Variants in FAR2 observed in about 807,000 individuals in gnomAD.
FAR2 encodes the protein epididymis secretory protein Li 81.
Under a neutral mutation model 56.0 loss-of-function variants are expected in FAR2, and 19 were observed. The observed-to-expected ratio is 0.34, with a 90% confidence interval of 0.24 to 0.50. FAR2 has a LOEUF of 0.50. Ranked by LOEUF, FAR2 falls within the 20% of genes least tolerant of loss-of-function variation. The probability of loss-of-function intolerance (pLI) is 0.98; values close to 1 mark genes in which losing one functional copy is unlikely to be tolerated. For synonymous variants in FAR2, 219 were observed against 218.8 expected (o/e 1.00, Z -0.01); for missense variants, 508 against 642.2 (o/e 0.79, Z 2.26).
In FAR2 at chr12:29,270,482, G is replaced by A; in HGVS notation, c.33G>A (p.Lys11=). The change falls in exon 2 of 12, where the codon AAG becomes AAA. Residue 11 remains lysine (K), a synonymous_variant. Transcript: ENST00000536681. The stretch of plus-strand genomic sequence containing the variant: ...CAATTGCAGCTTTCTATGGCGGCAA[G>A]TCCATTCTCATCACGGGGGCCACAG... MSTIAAFYGG[K]SILITGATGF... 2 of 1,607,388 alleles carry A rather than the reference G, an allele frequency of 1.2e-6. No individual in the cohort carries two copies. The highest frequency in any genetic ancestry group is 1.7e-6 in the Non-Finnish European group (2 of 1,175,086).
chr12:29,153,143 A>AT (rs548100563), intron 1 of FAR2, among the ~76,000 whole-genome samples: 1 of 152,144 alleles, frequency 6.6e-6, no homozygotes, highest in Non-Finnish European at 1.5e-5. Flanking sequence ...TGTGTTCCCT[A>AT]TTTTTTTGGA....
chr12:29,179,980 T>C (rs111321517), intron 1 of FAR2, among the ~76,000 whole-genome samples: 7,730 of 152,312 alleles, frequency 0.051, 270 homozygotes, highest in Non-Finnish European at 0.079. Flanking sequence ...GTATGGATAT[T>C]ACAGACTTGG....
chr12:29,256,808 C>T (rs76965093), intron 1 of FAR2, among the ~76,000 whole-genome samples: 1 of 152,228 alleles, frequency 6.6e-6, no homozygotes, highest in Non-Finnish European at 1.5e-5. Context: ...GGAGGGTGTA[C>T]TGGGTCCCCC....
At chr12:29,272,259 CTGGTA>C (rs755893946) in intron 2 of FAR2, among the ~76,000 whole-genome samples, 9 of 152,200 alleles carry the variant, frequency 5.9e-5, no homozygotes, top group Non-Finnish European at 5.9e-5. Flanking sequence ...CCGTCTCCTT[CTGGTA>C]CTGCAATCAA....
At chr12:29,167,641 G>A (rs1949841627) in intron 1 of FAR2, among the ~76,000 whole-genome samples, 1 of 152,150 alleles carries the variant, frequency 6.6e-6, no homozygotes, top group African/African-American at 2.4e-5. Context: ...TCTTGTGGTT[G>A]AATGTCACCC....
chr12:29,229,615 A>C (rs1406440489), intron 1 of FAR2, among the ~76,000 whole-genome samples: 1 of 152,196 alleles, frequency 6.6e-6, no homozygotes, highest in Admixed American at 6.5e-5. Context: ...TGTCTACCAA[A>C]TGCTGGGCTC....
intron 1 of FAR2, among the ~76,000 whole-genome samples, chr12:29,217,163 A>G (rs1393273179): frequency 6.6e-6 from 1 of 152,224 alleles, no homozygotes; most frequent in African/African-American, 2.4e-5. Context: ...AACTTCAAAA[A>G]ACTACAAATA....
At chr12:29,259,436 G>A (rs908537706) in intron 1 of FAR2, among the ~76,000 whole-genome samples, 1 of 152,192 alleles carries the variant, frequency 6.6e-6, no homozygotes, top group Non-Finnish European at 1.5e-5. Context: ...CTCTCCAGTG[G>A]ACTACGAAGA....
chr12:29,275,811 A>G (rs1948699103), intron 2 of FAR2, among the ~76,000 whole-genome samples: 1 of 152,114 alleles, frequency 6.6e-6, no homozygotes, highest in South Asian at 2.1e-4. Flanking sequence ...GTTTTTTATA[A>G]CACGGCAACA....
At chr12:29,248,727 T>C (rs1197085144) in intron 1 of FAR2, among the ~76,000 whole-genome samples, 5 of 152,204 alleles carry the variant, frequency 3.3e-5, no homozygotes, top group Non-Finnish European at 7.3e-5. Context: ...GACTGGGATC[T>C]ATTTCACCCC....
At chr12:29,256,774 C>G (rs1948325121) in intron 1 of FAR2, among the ~76,000 whole-genome samples, 1 of 152,204 alleles carries the variant, frequency 6.6e-6, no homozygotes. Flanking sequence ...CAATGAAGGG[C>G]TTAGCACCCA....
At chr12:29,224,520 T>C (rs1947735321) in intron 1 of FAR2, among the ~76,000 whole-genome samples, 1 of 152,256 alleles carries the variant, frequency 6.6e-6, no homozygotes, top group South Asian at 2.1e-4. Context: ...ATTTTTGTAC[T>C]TACAGCAGAG....
Position 29,167,846 on chromosome 12 carries a change from T to G in FAR2, c.-39+18439T>G, listed in dbSNP as rs191333384. 1.3e-5 allele frequency among the ~76,000 whole-genome samples: 2 copies of G among 152,342 alleles called. 1 individual carries two copies. The highest frequency in any genetic ancestry group is 1.3e-4 in the Admixed American group (2 of 15,304). On this transcript the variant is annotated intron_variant, in intron 1 of 11. Transcript: ENST00000536681. The stretch of plus-strand genomic sequence containing the variant: ...AATATATGACGGTAAATTGCAGCTT[T>G]GACCAATGACTAGAGAGAGTATCAA...
At chr12:29,296,859 G>C (rs1290229441) in intron 3 of FAR2, among the ~76,000 whole-genome samples, 162 bp from the exon 4 acceptor site, 1 of 152,176 alleles carries the variant, frequency 6.6e-6, no homozygotes, top group East Asian at 1.9e-4. Context: ...AACATTCCGA[G>C]TATCACATAA....
chr12:29,310,896 C>A (rs1284218662), intron 6 of FAR2, 132 bp from the exon 7 acceptor site: 67 of 685,950 alleles, frequency 9.8e-5, no homozygotes, highest in Non-Finnish European at 1.3e-4. Context: ...AGCATAAGAA[C>A]CTGGTAAGCA....
At chr12:29,153,876 C>T (rs2136571067) in intron 1 of FAR2, among the ~76,000 whole-genome samples, 1 of 152,144 alleles carries the variant, frequency 6.6e-6, no homozygotes, top group South Asian at 2.1e-4. Flanking sequence ...TAATCCAAAA[C>T]AGTAGGCTCA....
Position 29,296,972 on chromosome 12 carries a change from A to G in FAR2, c.366-49A>G. ...GGAGTAGGTGCAGTTATAGCAAGGCATGATACTGACTTACTTCATTGTATT... is the reference window on the plus strand; with the variant it reads ...GGAGTAGGTGCAGTTATAGCAAGGCGTGATACTGACTTACTTCATTGTATT... On this transcript the variant is annotated intron_variant, in intron 3 of 11. Coordinates refer to ENST00000536681, the MANE Select transcript of FAR2 (RefSeq NM_001271783.2). 2.0e-6 allele frequency: 3 copies of G among 1,511,170 alleles called. No homozygotes were observed. In the South Asian group the frequency reaches 4.0e-5, roughly 20 times the overall value. The allele number at this position is 1,511,170 out of a possible 1,614,324, so 93.6% of individuals were successfully genotyped here.
intron 4 of FAR2, among the ~76,000 whole-genome samples, chr12:29,298,823 T>C (rs10450679): frequency 0.54 from 82,670 of 151,958 alleles, 22,969 homozygotes; most frequent in East Asian, 0.65. Flanking sequence ...TGATTCCAGA[T>C]TGTTTCCTGG....
chr12:29,174,216 G>C (rs193220438), intron 1 of FAR2, among the ~76,000 whole-genome samples: 336 of 152,142 alleles, frequency 2.2e-3, no homozygotes, highest in African/African-American at 7.8e-3. Context: ...CTTTTGTTAG[G>C]CCTGCTAGTC....
Sources: allele counts gnomAD v4.1 joint callset (sites outside exome capture counted in the v4.1 genomes callset), GRCh38; gene constraint gnomAD v4.1.1; transcripts MANE v1.5; gene names NCBI Gene and HGNC (gene_info 2026-07-23, HGNC 2026-07-21).